The following CTNNA3 variants were observed in gnomAD, a reference collection of about 807,000 sequenced individuals.
The protein encoded by CTNNA3 is catenin alpha 3, also known as catenin alpha-3.
In CTNNA3, 76 loss-of-function variants were observed where a neutral mutation model predicts 95.7. That is an observed-to-expected ratio of 0.79 (90% confidence interval 0.66 to 0.96). CTNNA3 has a LOEUF of 0.96. CTNNA3 is among the 40% of genes least tolerant of loss of function. The pLI is 0.00. For synonymous variants in CTNNA3, 431 were observed against 374.4 expected (o/e 1.15, Z -1.74); for missense variants, 1,191 against 1,089.8 (o/e 1.09, Z -1.31).
At chr10:66,619,740 T>TA (rs758647644) in intron 10 of CTNNA3, among the ~76,000 whole-genome samples, 54 of 148,122 alleles carry the variant, frequency 3.6e-4, no homozygotes, top group Non-Finnish European at 6.7e-4. Flanking sequence ...AAGTAAAAAA[T>TA]AAAAAAAAAG....
chr10:66,486,459 A>T (rs985358329), intron 11 of CTNNA3, among the ~76,000 whole-genome samples: 10 of 152,132 alleles, frequency 6.6e-5, no homozygotes, highest in Admixed American at 2.6e-4. Flanking sequence ...CAACATCACT[A>T]ATTAAGGAAA....
chr10:67,148,550 A>C (rs1250994283), intron 7 of CTNNA3, among the ~76,000 whole-genome samples: 2 of 152,248 alleles, frequency 1.3e-5, no homozygotes, highest in Non-Finnish European at 2.9e-5. Flanking sequence ...CTGAAAATGC[A>C]GGCTTGTCCT....
At chr10:66,615,176 T>C (rs1844466770) in intron 10 of CTNNA3, among the ~76,000 whole-genome samples, 1 of 152,170 alleles carries the variant, frequency 6.6e-6, no homozygotes, top group South Asian at 2.1e-4. Context: ...GTGCCAAGTA[T>C]ATTGAAAATT....
chr10:67,223,177 C>T (rs1297739891), intron 5 of CTNNA3, among the ~76,000 whole-genome samples: 1 of 152,162 alleles, frequency 6.6e-6, no homozygotes, highest in Non-Finnish European at 1.5e-5. Flanking sequence ...GGAAAACTGA[C>T]AAGGCATGAC....
chr10:66,343,811 G>A (rs562681751), intron 12 of CTNNA3, among the ~76,000 whole-genome samples: 48 of 152,010 alleles, frequency 3.2e-4, no homozygotes, highest in African/African-American at 9.9e-4. Context: ...TATATGTATC[G>A]AATCATCACT....
At chr10:66,279,804 A>G (rs1398659747) in intron 13 of CTNNA3, among the ~76,000 whole-genome samples, 2 of 152,036 alleles carry the variant, frequency 1.3e-5, no homozygotes, top group African/African-American at 2.4e-5. Context: ...TTACATATGC[A>G]TTTTCCAAAG....
At chr10:66,131,066 C>CA (rs571726484) in intron 13 of CTNNA3, among the ~76,000 whole-genome samples, 40,971 of 113,552 alleles carry the variant, frequency 0.36, 6,814 homozygotes, top group African/African-American at 0.5. Flanking sequence ...AATTGCCTAC[C>CA]AAAAAAAAAA....
chr10:66,433,665 A>G (rs9664460), intron 11 of CTNNA3, among the ~76,000 whole-genome samples: 17,824 of 152,122 alleles, frequency 0.12, 1,508 homozygotes, highest in African/African-American at 0.24. Flanking sequence ...CCATTTGTCA[A>G]TTTTGGCTTT....
At chr10:67,611,062 A>C (rs1181471686) in intron 2 of CTNNA3, among the ~76,000 whole-genome samples, 3 of 152,236 alleles carry the variant, frequency 2.0e-5, no homozygotes, top group Non-Finnish European at 2.9e-5. Flanking sequence ...ATAAAGAAGA[A>C]ATTCCCACTC....
intron 7 of CTNNA3, among the ~76,000 whole-genome samples, chr10:66,841,073 A>C (rs775592838): frequency 6.6e-6 from 1 of 152,188 alleles, no homozygotes; most frequent in Non-Finnish European, 1.5e-5. Flanking sequence ...TGACTGAGAT[A>C]ATCAAACTTA....
chr10:67,213,867 G>A (rs921686834), intron 6 of CTNNA3, among the ~76,000 whole-genome samples: 2 of 151,636 alleles, frequency 1.3e-5, no homozygotes, highest in Non-Finnish European at 1.5e-5. Context: ...CGAAAAGAAT[G>A]TGTTACAACC....
At chr10:67,141,467 G>A (rs973199170) in intron 7 of CTNNA3, among the ~76,000 whole-genome samples, 2 of 152,172 alleles carry the variant, frequency 1.3e-5, no homozygotes, top group Non-Finnish European at 2.9e-5. Flanking sequence ...TTATCCCCGG[G>A]AAGTGTGGTC....
chr10:66,488,812 A>C (rs1459457953), intron 11 of CTNNA3, among the ~76,000 whole-genome samples: 1 of 152,178 alleles, frequency 6.6e-6, no homozygotes, highest in African/African-American at 2.4e-5. Context: ...CTCTCCAAAA[A>C]AGCCTAGAGC....
chr10:66,561,952 T>A (rs1842566669), intron 10 of CTNNA3, among the ~76,000 whole-genome samples: 1 of 151,964 alleles, frequency 6.6e-6, no homozygotes, highest in African/African-American at 2.4e-5. Context: ...AGATCAAAGA[T>A]AAGGGATCGA....
chr10:67,284,745 A>T (rs374544832), intron 5 of CTNNA3, among the ~76,000 whole-genome samples: 2 of 152,340 alleles, frequency 1.3e-5, no homozygotes, highest in East Asian at 3.9e-4. Context: ...AACTTTCCTT[A>T]AAATGTTATA....
intron 6 of CTNNA3, among the ~76,000 whole-genome samples, chr10:67,202,209 T>G (rs1212072824): frequency 6.6e-6 from 1 of 151,202 alleles, no homozygotes. Context: ...CCTTCTTGCC[T>G]TTCCAAATCT....
intron 5 of CTNNA3, among the ~76,000 whole-genome samples, chr10:67,297,985 G>A (rs929501753): frequency 6.6e-6 from 1 of 152,130 alleles, no homozygotes; most frequent in Non-Finnish European, 1.5e-5. Flanking sequence ...CTAGTACATT[G>A]AGCCTGCTGG....
intron 9 of CTNNA3, among the ~76,000 whole-genome samples, chr10:66,692,361 A>C (rs1301948592): frequency 2.0e-5 from 3 of 152,238 alleles, no homozygotes; most frequent in African/African-American, 7.2e-5. Flanking sequence ...AAAGGGTATC[A>C]GCAATGGAAG....
chr10:66,991,721 A>T (rs1851049343), intron 7 of CTNNA3, among the ~76,000 whole-genome samples: 1 of 152,134 alleles, frequency 6.6e-6, no homozygotes, highest in Non-Finnish European at 1.5e-5. Context: ...AAAATATTTT[A>T]TTCATCATTA....
Sources: gnomAD v4.1 joint callset for allele counts (sites outside exome capture counted in the v4.1 genomes callset) on GRCh38, gnomAD v4.1.1 for gene constraint, MANE v1.5 for transcripts, NCBI Gene and HGNC (gene_info 2026-07-23, HGNC 2026-07-21) for gene names.